KL: variants seen among roughly 807,000 people sequenced by gnomAD.
KL encodes klotho, also known as alpha-klotho.
A neutral mutation model predicts 84.2 loss-of-function variants in KL; 62 were observed. The ratio of observed to expected loss-of-function variants is 0.74; its 90% confidence interval spans 0.60 to 0.91. The LOEUF is 0.91. Ranked by LOEUF, KL falls within the 40% of genes least tolerant of loss-of-function variation. The pLI is 0.00. For missense variants in KL, 1,261 were observed against 1,305.7 expected (o/e 0.97, Z 0.53); for synonymous variants, 528 against 528.0 (o/e 1.00, Z 0.00).
At chr13:33,038,800 A>G (rs1348039208) in intron 1 of KL, among the ~76,000 whole-genome samples, 1 of 152,216 alleles carries the variant, frequency 6.6e-6, no homozygotes, top group Admixed American at 6.5e-5. Flanking sequence ...TGTGGGGGAA[A>G]AAATGAAAAC....
chr13:33,016,727 AC>A lies in KL; in HGVS notation c.292del (p.Leu98TrpfsTer27). 1 of 1,609,888 alleles carries A rather than the reference AC, an allele frequency of 6.2e-7. No individual in the cohort carries two copies. Among genetic ancestry groups the A allele is most frequent in the South Asian group, 1.1e-5 (1 of 90,676 alleles). On this transcript the variant is annotated frameshift_variant, in exon 1 of 5. Coordinates refer to ENST00000380099, the MANE Select transcript of KL (RefSeq NM_004795.4). LOFTEE classifies it high-confidence loss of function. Reference sequence around the variant, plus strand: ...TCCATCTGGGATACGTTCACCCACCACCCCCTGGCACCCCCGGGAGACTCCC... The same window carrying A: ...TCCATCTGGGATACGTTCACCCACCACCCCTGGCACCCCCGGGAGACTCCC... The part of the protein sequence containing the change: ...GASIWDTFTH[H>X]PLAPPGDSRN...
chr13:33,045,671 G>A (rs1431316901), intron 1 of KL, among the ~76,000 whole-genome samples: 1 of 152,052 alleles, frequency 6.6e-6, no homozygotes, highest in South Asian at 2.1e-4. Context: ...TAGAGACGGG[G>A]TTTCTCGATG....
chr13:33,062,672 CAAAA>C (rs35287139), intron 4 of KL, among the ~76,000 whole-genome samples: 3 of 68,112 alleles, frequency 4.4e-5, no homozygotes, highest in African/African-American at 1.2e-4. Flanking sequence ...GACTCCATCT[CAAAA>C]AAAAAAAAAA....
chr13:33,057,753 T>G (rs1188357243), intron 3 of KL, among the ~76,000 whole-genome samples: 5 of 151,684 alleles, frequency 3.3e-5, no homozygotes. Flanking sequence ...TCAGGCTTTG[T>G]GTTATATTGA....
In KL at chr13:33,042,147, A is replaced by G. The variant is rs1871361816; in HGVS notation, c.820-11620A>G. ...CGGAGAAAATCAGTATTCTCTTGCCACATAAATTGTAGGTAATTATATTTC... is the reference window on the plus strand; with the variant it reads ...CGGAGAAAATCAGTATTCTCTTGCCGCATAAATTGTAGGTAATTATATTTC... On this transcript the variant is annotated intron_variant, in intron 1 of 4. Transcript: ENST00000380099. Among the ~76,000 whole-genome samples the G allele has an allele frequency of 5.3e-5, 8 of 152,292 alleles. 1 individual carries two copies. In the South Asian group the frequency reaches 1.7e-3, roughly 32 times the overall value.
intron 1 of KL, among the ~76,000 whole-genome samples, chr13:33,052,425 C>T (rs1230995068): frequency 1.3e-5 from 2 of 152,142 alleles, no homozygotes; most frequent in African/African-American, 4.8e-5. Context: ...TAAGCAAGTG[C>T]CACTATTCTT....
intron 1 of KL, among the ~76,000 whole-genome samples, chr13:33,022,351 T>A (rs1870607048): frequency 6.6e-6 from 1 of 152,176 alleles, no homozygotes; most frequent in South Asian, 2.1e-4. Context: ...TGTGCAAAAG[T>A]TGTCTTTCTT....
chr13:33,056,992 C>A (rs979713769), intron 3 of KL, among the ~76,000 whole-genome samples: 4 of 152,166 alleles, frequency 2.6e-5, no homozygotes, highest in Admixed American at 2.0e-4. Flanking sequence ...GTGGATTCCA[C>A]TGTGGGGTTC....
chr13:33,030,793 G>A (rs1181274432), intron 1 of KL, among the ~76,000 whole-genome samples: 5 of 152,140 alleles, frequency 3.3e-5, no homozygotes, highest in Non-Finnish European at 4.4e-5. Flanking sequence ...TACACAAACT[G>A]AAACAGGAAC....
At chr13:33,021,794 G>T (rs1870585569) in intron 1 of KL, among the ~76,000 whole-genome samples, 1 of 152,194 alleles carries the variant, frequency 6.6e-6, no homozygotes, top group African/African-American at 2.4e-5. Flanking sequence ...TGAGGCAGGA[G>T]AATCGTTTGA....
rs114955833 is a variant in KL, at chr13:33,038,304, C to T, written c.820-15463C>T. 3.8e-4 allele frequency among the ~76,000 whole-genome samples: 58 copies of T among 152,284 alleles called. 1 individual carries two copies. The highest frequency in any genetic ancestry group is 1.3e-3 in the African/African-American group (56 of 41,564). ...GGTTGATATCATCATTTTCACAACACGTTGGGTAAATTCTTATATCTGTTC... is the reference window on the plus strand; with the variant it reads ...GGTTGATATCATCATTTTCACAACATGTTGGGTAAATTCTTATATCTGTTC... On this transcript the variant is annotated intron_variant, in intron 1 of 4. Coordinates refer to ENST00000380099, the MANE Select transcript of KL (RefSeq NM_004795.4).
chr13:33,044,635 A>ATT (rs1871453892), intron 1 of KL, among the ~76,000 whole-genome samples: 20 of 72,274 alleles, frequency 2.8e-4, no homozygotes, highest in Admixed American at 6.2e-4. Flanking sequence ...AATGCAATTG[A>ATT]TTTTCTTTTT....
At chr13:33,051,873 G>C (rs926386827) in intron 1 of KL, among the ~76,000 whole-genome samples, 3 of 152,182 alleles carry the variant, frequency 2.0e-5, no homozygotes, top group African/African-American at 7.2e-5. Context: ...AAAGTCCCCT[G>C]GTTTTTGGTC....
At chr13:33,028,903 A>G (rs1364307532) in intron 1 of KL, among the ~76,000 whole-genome samples, 3 of 152,236 alleles carry the variant, frequency 2.0e-5, no homozygotes, top group African/African-American at 7.2e-5. Context: ...CTTATCTAGC[A>G]TAATAGGAAG....
intron 1 of KL, among the ~76,000 whole-genome samples, chr13:33,032,326 A>C (rs1871001077): frequency 6.6e-6 from 1 of 152,172 alleles, no homozygotes; most frequent in Non-Finnish European, 1.5e-5. Flanking sequence ...TTGGTTTACA[A>C]ACTTATGGGT....
At chr13:33,059,785 T>C (rs1250814342) in intron 3 of KL, among the ~76,000 whole-genome samples, 2 of 152,172 alleles carry the variant, frequency 1.3e-5, no homozygotes, top group Non-Finnish European at 2.9e-5. Context: ...TCTCGGACTT[T>C]CTACCATCAG....
chr13:33,055,021 G>T (rs948043681), intron 2 of KL, 26 bp from the exon 3 acceptor site: 1 of 1,614,046 alleles, frequency 6.2e-7, no homozygotes, highest in East Asian at 2.2e-5. Context: ...GGGTCATGTT[G>T]CTCTTGTCCC....
At chr13:33,025,137 G>A (rs1870720053) in intron 1 of KL, among the ~76,000 whole-genome samples, 1 of 152,202 alleles carries the variant, frequency 6.6e-6, no homozygotes, top group Admixed American at 6.5e-5. Context: ...ACAGTAAAAT[G>A]TATAAATGCC....
rs1367722201 is a variant in KL at position 33,016,807 on chromosome 13, G to T, written c.367G>T (p.Asp123Tyr). Residue 123 changes from aspartate (D) to tyrosine (Y), a missense_variant, in exon 1 of 5, where the codon GAC (aspartate) becomes TAC (tyrosine). Transcript: ENST00000380099. ...GTCGCCGCTGCAGCCCGCCACCGGG[G>T]ACGTAGCCAGCGACAGCTACAACAA... ...APSPLQPATGDVASDSYNNVF... is the reference protein window; with the variant it reads ...APSPLQPATGYVASDSYNNVF... 1 of 1,612,580 alleles carries T rather than the reference G, an allele frequency of 6.2e-7. No homozygotes were observed. Among genetic ancestry groups the T allele is most frequent in the South Asian group, 1.1e-5 (1 of 91,066 alleles).
Sources: gnomAD v4.1 joint callset for allele counts (sites outside exome capture counted in the v4.1 genomes callset) on GRCh38, gnomAD v4.1.1 for gene constraint, MANE v1.5 for transcripts, NCBI Gene and HGNC (gene_info 2026-07-23, HGNC 2026-07-21) for gene names.